The following RANBP2 variants were observed in gnomAD, a reference collection of about 807,000 sequenced individuals.
RANBP2 encodes RAN binding protein 2.
A neutral mutation model predicts 303.6 loss-of-function variants in RANBP2; 57 were observed. The observed-to-expected ratio is 0.19, with a 90% CI of 0.15 to 0.23. The LOEUF (loss-of-function observed/expected upper bound fraction) is 0.23. Among genes scored for constraint, RANBP2 ranks in the 10% least tolerant of loss-of-function variants. RANBP2 has a pLI of 1.00. For missense variants in RANBP2, 3,138 were observed against 3,780.8 expected, an observed-to-expected ratio of 0.83 and a Z score of 4.46; for synonymous variants, 1,167 against 1,301.5, an observed-to-expected ratio of 0.90 and a Z score of 2.23.
At chr2:109,487,722 C>T in the RANBP2 span, among the ~76,000 whole-genome samples, 1 of 152,194 alleles carries the variant, frequency 6.6e-6, no homozygotes, top group Non-Finnish European at 1.5e-5. Context: ...CCACAGGGCC[C>T]AAGGTGCCCT....
the RANBP2 span, chr2:109,760,345 G>A: frequency 5.8e-6 from 1 of 173,816 alleles, no homozygotes; most frequent in African/African-American, 2.5e-5. Flanking sequence ...AACCCTAAGA[G>A]CGGCGGCGGC....
the RANBP2 span, among the ~76,000 whole-genome samples, chr2:109,101,248 C>A: frequency 6.6e-6 from 1 of 152,034 alleles, no homozygotes; most frequent in East Asian, 1.9e-4. Flanking sequence ...CATAGTGGGC[C>A]GGGCGTGGTA....
the RANBP2 span, among the ~76,000 whole-genome samples, chr2:108,951,201 C>T: frequency 6.6e-6 from 1 of 152,200 alleles, no homozygotes; most frequent in Admixed American, 6.5e-5. Context: ...TATATGAGCT[C>T]AGTTTCCCCT....
intron 19 of RANBP2, 151 bp from the exon 20 acceptor site, chr2:108,763,086 G>T (rs1676850783): frequency 2.1e-6 from 2 of 941,412 alleles, no homozygotes; most frequent in Admixed American, 4.0e-5. Context: ...TGCAGCCTCT[G>T]GCATAAACGG....
At chr2:108,734,049 A>T (rs75339472) in intron 4 of RANBP2, among the ~76,000 whole-genome samples, 1 of 152,114 alleles carries the variant, frequency 6.6e-6, no homozygotes, top group South Asian at 2.1e-4. Flanking sequence ...TTTTAAAAAT[A>T]TTTTTAACAT....
chr2:109,139,702 C>T, the RANBP2 span, among the ~76,000 whole-genome samples: 3 of 152,140 alleles, frequency 2.0e-5, no homozygotes, highest in Non-Finnish European at 4.4e-5. Context: ...AATGAGGTGA[C>T]GTATATCAGA....
the RANBP2 span, among the ~76,000 whole-genome samples, chr2:109,528,635 C>G: frequency 0.11 from 17,243 of 152,088 alleles, 1,055 homozygotes; most frequent in East Asian, 0.21. Context: ...TGGGCAGAGC[C>G]CAGAGAACAG....
the RANBP2 span, among the ~76,000 whole-genome samples, chr2:109,382,350 G>A: frequency 6.6e-6 from 1 of 152,068 alleles, no homozygotes; most frequent in Non-Finnish European, 1.5e-5. Flanking sequence ...AGAGTCTGCT[G>A]CAGTGGGGCT....
the RANBP2 span, among the ~76,000 whole-genome samples, chr2:108,981,688 A>G: frequency 6.6e-6 from 1 of 152,172 alleles, no homozygotes; most frequent in African/African-American, 2.4e-5. Context: ...TTAGACTTCA[A>G]GCTAATTTGA....
At chr2:108,996,676 T>A in the RANBP2 span, among the ~76,000 whole-genome samples, 1 of 151,752 alleles carries the variant, frequency 6.6e-6, no homozygotes, top group African/African-American at 2.4e-5. Context: ...GAATCAGTGA[T>A]CTTACCAGCA....
the RANBP2 span, among the ~76,000 whole-genome samples, chr2:109,221,239 A>G: frequency 2.0e-5 from 3 of 152,182 alleles, no homozygotes; most frequent in Admixed American, 1.3e-4. Flanking sequence ...TTTCTTTTCA[A>G]TAACAGCCAT....
intron 11 of RANBP2, 42 bp downstream of exon 11, chr2:108,751,745 G>T (rs771494406): frequency 7.0e-5 from 113 of 1,611,436 alleles, no homozygotes; most frequent in Non-Finnish European, 8.9e-5. Flanking sequence ...TTAGTGCGTA[G>T]GTTTTACCGG....
the RANBP2 span, among the ~76,000 whole-genome samples, chr2:109,727,195 A>G: frequency 6.6e-6 from 1 of 152,216 alleles, no homozygotes; most frequent in Non-Finnish European, 1.5e-5. Context: ...CAATGTTCTA[A>G]TACGTTAAGA....
chr2:109,433,772 C>T, the RANBP2 span, among the ~76,000 whole-genome samples: 1 of 152,210 alleles, frequency 6.6e-6, no homozygotes, highest in African/African-American at 2.4e-5. Flanking sequence ...TGCCCAAAGC[C>T]TGAAAGGTCT....
the RANBP2 span, among the ~76,000 whole-genome samples, chr2:108,954,169 A>T: frequency 1.3e-5 from 2 of 152,140 alleles, no homozygotes; most frequent in African/African-American, 4.8e-5. Context: ...AGTTATGGCA[A>T]CCTAGATAGC....
At chr2:108,897,266 T>G in the RANBP2 span, 4 of 1,569,838 alleles carry the variant, frequency 2.5e-6, no homozygotes, top group Admixed American at 1.7e-5. Flanking sequence ...ATGTTGCAAG[T>G]CACAGTCAAT....
At chr2:108,954,400 C>T in the RANBP2 span, among the ~76,000 whole-genome samples, 1 of 152,216 alleles carries the variant, frequency 6.6e-6, no homozygotes, top group African/African-American at 2.4e-5. Context: ...TGCAGCCTAC[C>T]TGCCCTCTCT....
chr2:109,404,116 C>T, the RANBP2 span, among the ~76,000 whole-genome samples: 1 of 152,104 alleles, frequency 6.6e-6, no homozygotes, highest in East Asian at 1.9e-4. Flanking sequence ...TTTTGGAAAG[C>T]TGGTGGTGGG....
At chr2:109,446,277 T>C in the RANBP2 span, among the ~76,000 whole-genome samples, 11 of 152,268 alleles carry the variant, frequency 7.2e-5, no homozygotes, top group East Asian at 2.1e-3. Context: ...GGGGTTCTTT[T>C]TTCCTCAGAG....
Sources: allele counts gnomAD v4.1 joint callset (sites outside exome capture counted in the v4.1 genomes callset), GRCh38; gene constraint gnomAD v4.1.1; transcripts MANE v1.5; gene names NCBI Gene and HGNC (gene_info 2026-07-23, HGNC 2026-07-21).